SMC2: variants seen among roughly 807,000 people sequenced by gnomAD.
The protein encoded by SMC2 is structural maintenance of chromosomes 2, also known as structural maintenance of chromosomes protein 2.
Under a neutral mutation model 142.6 loss-of-function variants are expected in SMC2, and 41 were observed. That is an observed-to-expected ratio of 0.29 (90% CI 0.22 to 0.37). The LOEUF is 0.37. SMC2 is among the 10% of genes least tolerant of loss of function. The probability of loss-of-function intolerance (pLI) is 1.00; values close to 1 mark genes in which losing one functional copy is unlikely to be tolerated. For synonymous variants in SMC2, 463 were observed against 457.5 expected (o/e 1.01, Z -0.15); for missense variants, 1,265 against 1,373.7 (o/e 0.92, Z 1.25).
At chr9:104,108,235 C>T (rs1338161841) in intron 9 of SMC2, among the ~76,000 whole-genome samples, 1 of 152,136 alleles carries the variant, frequency 6.6e-6, no homozygotes, top group Non-Finnish European at 1.5e-5. Flanking sequence ...TCCAAGAACT[C>T]CAGAAAAGCC....
At chr9:104,104,521 T>C (rs1027628178) in intron 9 of SMC2, among the ~76,000 whole-genome samples, 1 of 151,936 alleles carries the variant, frequency 6.6e-6, no homozygotes, top group Non-Finnish European at 1.5e-5. Flanking sequence ...GCATTGAGAT[T>C]ATGTTTTAGG....
chr9:104,099,588 C>T, intron 4 of SMC2, 56 bp from the exon 5 acceptor site: 1 of 1,113,764 alleles, frequency 9.0e-7, no homozygotes, highest in Non-Finnish European at 1.4e-6. Flanking sequence ...AATGGCAGTA[C>T]AGATAAACAT....
upstream of SMC2, chr9:104,092,102 G>T (rs1829992016): frequency 6.6e-6 from 1 of 152,200 alleles, no homozygotes; most frequent in Admixed American, 6.5e-5. Flanking sequence ...TGTGATCTCA[G>T]GAGGCAGAGT....
chr9:104,136,226 G>A (rs1039818032), intron 23 of SMC2, among the ~76,000 whole-genome samples: 12 of 152,042 alleles, frequency 7.9e-5, no homozygotes, highest in Admixed American at 2.6e-4. Context: ...TCTCTGTCCT[G>A]TAATTCCATC....
chr9:104,094,525 T>TGGCGGGA lies in SMC2; in HGVS notation c.-62+69_-62+75dup, dbSNP rs143664933. On this transcript the variant is annotated intron_variant, in intron 1 of 24. Coordinates refer to ENST00000374793, the MANE Select transcript of SMC2 (RefSeq NM_006444.3). Reference sequence around the variant, plus strand: ...GCCGGTTGGGCCGGGCCAGACTTCCTGGCGGGAGGCGGGAGGCGGGAGGCG... The same window carrying TGGCGGGA: ...GCCGGTTGGGCCGGGCCAGACTTCCTGGCGGGAGGCGGGAGGCGGGAGGCGGGAGGCG... 580 of 268,036 alleles carry TGGCGGGA rather than the reference T, an allele frequency of 2.2e-3. 2 individuals are homozygous for TGGCGGGA. The highest frequency in any genetic ancestry group is 0.013 in the African/African-American group (523 of 40,644). 16.6% of individuals were successfully genotyped at this position (268,036 alleles called of 1,614,324 possible). A position where few individuals can be genotyped will look rare whatever the true frequency, so the allele number is the denominator to read the frequency against.
chr9:104,104,937 C>A (rs896934164), intron 9 of SMC2, among the ~76,000 whole-genome samples: 7 of 152,194 alleles, frequency 4.6e-5, no homozygotes. Flanking sequence ...TCCTAGTAAT[C>A]CAGGTATGAA....
upstream of SMC2, chr9:104,092,937 A>C (rs1408824502): frequency 2.0e-5 from 3 of 152,188 alleles, no homozygotes; most frequent in African/African-American, 7.2e-5. Context: ...GAGGAATGGG[A>C]TTAAGGTCCT....
intron 9 of SMC2, among the ~76,000 whole-genome samples, chr9:104,106,304 CA>C (rs1165631391): frequency 6.6e-6 from 1 of 152,202 alleles, no homozygotes; most frequent in Non-Finnish European, 1.5e-5. Context: ...AGGGTAGCAT[CA>C]GGGTCCACAT....
At chr9:104,099,543 A>G (rs929909754) in intron 4 of SMC2, 101 bp from the exon 5 acceptor site, 1 of 763,586 alleles carries the variant, frequency 1.3e-6, no homozygotes, top group Admixed American at 2.1e-5. Flanking sequence ...AGATTGGTAT[A>G]TTGAGATACA....
At chr9:104,119,571 C>T (rs1006105657) in intron 15 of SMC2, among the ~76,000 whole-genome samples, 1 of 152,188 alleles carries the variant, frequency 6.6e-6, no homozygotes, top group African/African-American at 2.4e-5. Flanking sequence ...CCTTTCTGCT[C>T]AGTGCTATTC....
Position 104,126,779 on chromosome 9 carries a change from A to G in SMC2, c.2590A>G (p.Asn864Asp). 6.3e-7 allele frequency: 1 copy of G among 1,593,552 alleles called. No individual in the cohort carries two copies. The highest frequency in any genetic ancestry group is 8.5e-7 in the Non-Finnish European group (1 of 1,174,398). ...IEVMAAEVAK[N>D]KESVNKAQEE... ...AGTAATGGCAGCTGAGGTGGCTAAA[A>G]ATAAGGTAGGATTTATTTATCAAAT... The change falls in exon 19 of 25, where the codon AAT (asparagine) becomes GAT (aspartate). Residue 864 changes from asparagine (N) to aspartate (D), a missense_variant. Transcript: ENST00000374793.
chr9:104,134,587 C>T lies in SMC2; in HGVS notation c.3269+12C>T, dbSNP rs557122801. The T allele has an allele frequency of 1.4e-6, 2 of 1,478,678 alleles. No homozygotes were observed. The highest frequency in any genetic ancestry group is 2.5e-5 in the South Asian group (2 of 81,560). 91.6% of individuals were successfully genotyped at this position (1,478,678 alleles called of 1,614,324 possible). A position where few individuals can be genotyped will look rare whatever the true frequency, so the allele number is the denominator to read the frequency against. On this transcript the variant is annotated intron_variant, in intron 23 of 24. Transcript: ENST00000374793. ...AGTGGTGGTCAGAGGTGAGGAATCACTTTGCTATATTATAATTTTCATTCC... is the reference window on the plus strand; with the variant it reads ...AGTGGTGGTCAGAGGTGAGGAATCATTTTGCTATATTATAATTTTCATTCC...
chr9:104,092,495 A>G (rs1410908751), upstream of SMC2: 1 of 152,254 alleles, frequency 6.6e-6, no homozygotes, highest in Non-Finnish European at 1.5e-5. Flanking sequence ...CAAAATGATA[A>G]AAGGAAGGAG....
Position 104,123,120 on chromosome 9 carries a change from A to G in SMC2, c.2145A>G (p.Leu715=), listed in dbSNP as rs1833910668. ...CTGTTTTTGTAAGGTATCGCCAACTAAAACAGCAGTGGGAGATGAAAACTG... is the reference window on the plus strand; with the variant it reads ...CTGTTTTTGTAAGGTATCGCCAACTGAAACAGCAGTGGGAGATGAAAACTG... ...LKNTAEKYRQ[L]KQQWEMKTEE... is the part of the protein sequence containing the mutation. Residue 715 remains leucine (L), a synonymous_variant, in exon 17 of 25, where the codon CTA becomes CTG. Transcript: ENST00000374793. 2.5e-6 allele frequency: 4 copies of G among 1,610,618 alleles called. No individual in the cohort carries two copies. The highest frequency in any genetic ancestry group is 2.5e-6 in the Non-Finnish European group (3 of 1,178,634).
chr9:104,105,998 C>T (rs757163900), intron 9 of SMC2, among the ~76,000 whole-genome samples: 36 of 152,170 alleles, frequency 2.4e-4, no homozygotes, highest in Non-Finnish European at 5.0e-4. Context: ...AGGGATTGGG[C>T]TATGCATTGC....
intron 7 of SMC2, among the ~76,000 whole-genome samples, 184 bp from the exon 8 acceptor site, chr9:104,101,776 T>C (rs960086442): frequency 6.6e-6 from 1 of 152,218 alleles, no homozygotes; most frequent in African/African-American, 2.4e-5. Context: ...CTAGAGATGG[T>C]AGAATGCTAT....
In SMC2 at chr9:104,118,206, G is replaced by T. The variant is rs1215909680; in HGVS notation, c.1827G>T (p.Leu609Phe). Residue 609 changes from leucine to phenylalanine, a missense_variant, in exon 15 of 25, where the codon TTG becomes TTT. Coordinates refer to ENST00000374793, the MANE Select transcript of SMC2 (RefSeq NM_006444.3). Reference protein sequence around the residue: ...GPDNVHVALSLVEYKPELQKA... With the variant: ...GPDNVHVALSFVEYKPELQKA... Reference sequence around the variant, plus strand: ...ACAACGTTCATGTGGCTCTTTCCTTGGTTGAATATAAACCAGAACTTCAGA... The same window carrying T: ...ACAACGTTCATGTGGCTCTTTCCTTTGTTGAATATAAACCAGAACTTCAGA... 6.2e-7 allele frequency: 1 copy of T among 1,613,730 alleles called. No homozygotes were observed. The highest frequency in any genetic ancestry group is 1.1e-5 in the South Asian group (1 of 91,064).
chr9:104,100,808 A>G (rs192709395), intron 7 of SMC2, among the ~76,000 whole-genome samples: 9 of 152,352 alleles, frequency 5.9e-5, no homozygotes, highest in Admixed American at 3.9e-4. Flanking sequence ...GGCTATCACT[A>G]TAATTATTGC....
At chr9:104,132,884 T>TACAA (rs1326856054) in intron 22 of SMC2, among the ~76,000 whole-genome samples, 7 of 151,814 alleles carry the variant, frequency 4.6e-5, no homozygotes, top group Admixed American at 3.3e-4. Context: ...GTGGACTTAG[T>TACAA]ACAAATCAGA....
Sources: allele counts gnomAD v4.1 joint callset (sites outside exome capture counted in the v4.1 genomes callset), GRCh38; gene constraint gnomAD v4.1.1; transcripts MANE v1.5; gene names NCBI Gene and HGNC (gene_info 2026-07-23, HGNC 2026-07-21).